The following RMST variants were observed in gnomAD, a reference collection of about 807,000 sequenced individuals.
RMST encodes the protein rhabdomyosarcoma 2 associated transcript.
chr12:97,545,939 C>T (rs575421049), intron 11 of RMST, among the ~76,000 whole-genome samples: 1 of 152,114 alleles, frequency 6.6e-6, no homozygotes, highest in African/African-American at 2.4e-5. Flanking sequence ...CTTATGTAAA[C>T]AACAGTTCAT....
At chr12:97,559,158 G>T (rs1301457395) in intron 11 of RMST, among the ~76,000 whole-genome samples, 1 of 151,624 alleles carries the variant, frequency 6.6e-6, no homozygotes, top group East Asian at 1.9e-4. Context: ...ATATGCATGT[G>T]ATCTCAGTTT....
At chr12:97,542,187 T>C (rs930210575) in intron 11 of RMST, among the ~76,000 whole-genome samples, 1 of 151,976 alleles carries the variant, frequency 6.6e-6, no homozygotes, top group Non-Finnish European at 1.5e-5. Context: ...AATGTTAGCT[T>C]CCATGTCTAT....
rs576693467 is a variant in RMST, at chr12:97,514,640, T to C, written n.1341-16015T>C. 2.1e-4 allele frequency among the ~76,000 whole-genome samples: 32 copies of C among 152,116 alleles called. No individual in the cohort carries two copies. The South Asian group carries it at 6.6e-3, about 32-fold the overall frequency. ...TTAGCTAACAATTCATTGCATTAAA[T>C]GCCTGTTCATTCTTGGAAAGTATAT... On this transcript the variant is annotated intron_variant and non_coding_transcript_variant, in intron 10 of 13. Transcript: ENST00000640149.
intron 4 of RMST, among the ~76,000 whole-genome samples, chr12:97,464,658 C>A (rs1197399161): frequency 6.6e-6 from 1 of 152,134 alleles, no homozygotes. Flanking sequence ...GATCTGAACT[C>A]ATTTATCGGT....
intron 6 of RMST, chr12:97,492,881 A>C (rs1011574018): frequency 1.3e-5 from 2 of 152,166 alleles, no homozygotes; most frequent in African/African-American, 4.8e-5. Flanking sequence ...GATATTTTAA[A>C]ATTGGAAATT....
chr12:97,490,709 T>C (rs1370099591), intron 5 of RMST, among the ~76,000 whole-genome samples: 3 of 152,210 alleles, frequency 2.0e-5, no homozygotes, highest in African/African-American at 4.8e-5. Context: ...ATTCAACTTA[T>C]CTTGGATGAA....
chr12:97,542,880 C>G (rs1379155748), intron 11 of RMST, among the ~76,000 whole-genome samples: 2 of 151,868 alleles, frequency 1.3e-5, no homozygotes, highest in Non-Finnish European at 2.9e-5. Flanking sequence ...TGTTCTGTGG[C>G]CTTTATGCTT....
intron 10 of RMST, among the ~76,000 whole-genome samples, chr12:97,513,022 GC>G: frequency 6.6e-6 from 1 of 152,352 alleles, no homozygotes; most frequent in East Asian, 1.9e-4. Flanking sequence ...CTGCCGGCCG[GC>G]CGCTCCAACT....
exon 14 of RMST, chr12:97,564,784 A>C (rs1884409496): frequency 6.6e-6 from 1 of 152,168 alleles, no homozygotes; most frequent in Non-Finnish European, 1.5e-5. Flanking sequence ...ACCTTTGAGA[A>C]AGAAAAGACT....
intron 11 of RMST, among the ~76,000 whole-genome samples, chr12:97,534,964 A>G (rs921172854): frequency 2.6e-4 from 40 of 151,706 alleles, no homozygotes; most frequent in African/African-American, 9.4e-4. Context: ...ACTATAAGCG[A>G]TTTTATTCTT....
exon 9 of RMST, chr12:97,494,798 GA>G (rs1220898689): frequency 6.6e-6 from 1 of 152,050 alleles, no homozygotes; most frequent in African/African-American, 2.4e-5. Flanking sequence ...TTCTATAAAA[GA>G]TATTGTCTAT....
At chr12:97,466,947 G>A (rs1360258222) in intron 5 of RMST, among the ~76,000 whole-genome samples, 1 of 152,012 alleles carries the variant, frequency 6.6e-6, no homozygotes, top group Non-Finnish European at 1.5e-5. Context: ...AGAATTAGGA[G>A]TGTCTTAAAG....
At chr12:97,525,839 C>G (rs1018566750) in intron 10 of RMST, among the ~76,000 whole-genome samples, 20 of 152,172 alleles carry the variant, frequency 1.3e-4, no homozygotes, top group African/African-American at 4.1e-4. Flanking sequence ...GAAGCTTCAT[C>G]TGTATTTACA....
chr12:97,495,040 T>C (rs1877238002), intron 9 of RMST, among the ~76,000 whole-genome samples: 10 of 152,210 alleles, frequency 6.6e-5, no homozygotes, highest in Admixed American at 6.5e-4. Context: ...GCCGGGCTAC[T>C]GAATATCTTT....
chr12:97,506,323 T>C (rs962963338), intron 10 of RMST, among the ~76,000 whole-genome samples: 1 of 152,132 alleles, frequency 6.6e-6, no homozygotes, highest in African/African-American at 2.4e-5. Flanking sequence ...GAGAGACATA[T>C]TGAAATCAAA....
chr12:97,492,115 C>T (rs971358870), intron 5 of RMST: 1 of 371,718 alleles, frequency 2.7e-6, no homozygotes, highest in Non-Finnish European at 5.8e-6. Context: ...ATTGACAGTA[C>T]TGTGAAGAAT....
At chr12:97,551,253 G>A (rs1010370073) in intron 11 of RMST, among the ~76,000 whole-genome samples, 1 of 149,914 alleles carries the variant, frequency 6.7e-6, no homozygotes, top group African/African-American at 2.4e-5. Context: ...GAATAACCAA[G>A]CCCTGCCTTT....
At chr12:97,472,897 T>C (rs754024087) in intron 5 of RMST, among the ~76,000 whole-genome samples, 2 of 152,116 alleles carry the variant, frequency 1.3e-5, no homozygotes, top group Non-Finnish European at 2.9e-5. Context: ...TCAATTGGCT[T>C]TTTTTCTTAA....
chr12:97,471,219 T>C (rs1439698494), intron 5 of RMST, among the ~76,000 whole-genome samples: 1 of 152,120 alleles, frequency 6.6e-6, no homozygotes, highest in Non-Finnish European at 1.5e-5. Flanking sequence ...TAAATATAGA[T>C]AGGGCTTCCT....
Sources: allele counts gnomAD v4.1 joint callset (sites outside exome capture counted in the v4.1 genomes callset), GRCh38; gene constraint gnomAD v4.1.1; transcripts MANE v1.5; gene names NCBI Gene and HGNC (gene_info 2026-07-23, HGNC 2026-07-21).